Variants in PNPLA5 observed in about 807,000 individuals in gnomAD.
PNPLA5 encodes patatin like domain 5, triacylglycerol lipase, also known as patatin-like phospholipase domain-containing protein 5.
PNPLA5 carries 44 observed loss-of-function variants against 49.1 expected under a neutral mutation model. The observed-to-expected ratio is 0.90, with a 90% confidence interval of 0.70 to 1.15. PNPLA5 has a LOEUF of 1.15. Ranked by LOEUF, PNPLA5 falls within the 50% of genes most tolerant of loss-of-function variation. The pLI is 0.00. For synonymous variants in PNPLA5, 243 were observed against 244.4 expected (o/e 0.99, Z 0.06); for missense variants, 603 against 564.0 (o/e 1.07, Z -0.70).
At position 43,880,543 on chromosome 22, in the gene PNPLA5, G is replaced by A. The variant is rs550730317; in HGVS notation, c.*252C>T. ...CCCCCCGTGGAAATTCTGAAAGTAA[G>A]ACATGTGTCTCTGTGGCTGTCCTCC... On this transcript the variant is annotated 3_prime_UTR_variant, in exon 9 of 9. Coordinates refer to ENST00000216177, the MANE Select transcript of PNPLA5 (RefSeq NM_138814.4). 2.5e-6 allele frequency: 1 copy of A among 396,790 alleles called. No individual in the cohort carries two copies. The highest frequency in any genetic ancestry group is 1.3e-4 in the South Asian group (1 of 7,684). 24.6% of individuals were successfully genotyped at this position (396,790 alleles called of 1,614,324 possible). A position where few individuals can be genotyped will look rare whatever the true frequency, so the allele number is the denominator to read the frequency against.
Position 43,880,182 on chromosome 22 carries a change from TG to T in PNPLA5, c.*612del. On this transcript the variant is annotated 3_prime_UTR_variant, in exon 9 of 9. Transcript: ENST00000216177. ...AGGCTGTGGGGATAGCAGGGGCCAC[TG>T]GGCCCAACAGAAGCACCCACAGCTG... 2.6e-6 allele frequency: 1 copy of T among 380,918 alleles called. No individual in the cohort carries two copies. The highest frequency in any genetic ancestry group is 4.6e-6 in the Non-Finnish European group (1 of 215,236). 23.6% of individuals were successfully genotyped at this position (380,918 alleles called of 1,614,324 possible).
intron 2 of PNPLA5, among the ~76,000 whole-genome samples, chr22:43,890,707 T>C (rs1045546746): frequency 6.6e-6 from 1 of 152,126 alleles, no homozygotes; most frequent in Non-Finnish European, 1.5e-5. Context: ...TGGCACATAA[T>C]AGGTGTTCAA....
chr22:43,890,216 C>T (rs759439714), intron 2 of PNPLA5, among the ~76,000 whole-genome samples: 5 of 152,198 alleles, frequency 3.3e-5, no homozygotes, highest in African/African-American at 4.8e-5. Flanking sequence ...ACATTAGCTG[C>T]CGTGACTGTT....
intron 1 of PNPLA5, 42 bp from the exon 2 acceptor site, chr22:43,891,336 A>T (rs2049721588): frequency 1.1e-5 from 16 of 1,520,410 alleles, no homozygotes; most frequent in Non-Finnish European, 1.4e-5. Flanking sequence ...GCGCCCAGGG[A>T]TCCTGCCAGT....
At chr22:43,887,507 C>A in intron 5 of PNPLA5, 84 bp downstream of exon 5, 2 of 1,496,712 alleles carry the variant, frequency 1.3e-6, no homozygotes, top group East Asian at 2.4e-5. Flanking sequence ...GCCCATGTCC[C>A]TAGCAGCTCA....
chr22:43,888,371 AGTGTGTGTGTGTGTGTGTGT>A (rs35343347), intron 4 of PNPLA5, among the ~76,000 whole-genome samples: 3 of 112,968 alleles, frequency 2.7e-5, no homozygotes, highest in Admixed American at 1.9e-4. Context: ...GGGGCAGAGG[AGTGTGTGTGTGTGTGTGTGT>A]GTGTGTGTGT....
chr22:43,883,820 AAG>A (rs748856468), intron 7 of PNPLA5, among the ~76,000 whole-genome samples: 101 of 85,900 alleles, frequency 1.2e-3, no homozygotes, highest in Non-Finnish European at 1.6e-3. Context: ...GAAAAAAAAA[AAG>A]AAAAGAAAAG....
Position 43,884,332 on chromosome 22 carries a change from T to C in PNPLA5, c.963A>G (p.Ala321=), listed in dbSNP as rs1247410247. ...CCCACCGGCTGGGATCCCTCGTACA[T>C]GCTTTCTTCAGTGCTGCAAGAGAAG... ...SPELEAALKK[A]CTRDPSRWAR... Residue 321 remains alanine, a synonymous_variant, in exon 7 of 9, where the codon GCA becomes GCG. Coordinates refer to ENST00000216177, the MANE Select transcript of PNPLA5 (RefSeq NM_138814.4). The C allele has an allele frequency of 1.3e-6, 2 of 1,583,488 alleles. No individual in the cohort carries two copies. Among genetic ancestry groups the C allele is most frequent in the Admixed American group, 3.6e-5 (2 of 56,106 alleles).
In PNPLA5 at chr22:43,891,267, A is replaced by G; in HGVS notation, c.221T>C (p.Met74Thr). ...VDFCCSHLLG[M>T]VGQLERLSLS... ...GCTCAGCCGCTCCAACTGCCCAACC[A>G]TGCCCAGGAGGTGGGAGCAGCAGAA... The change falls in exon 2 of 9, where the codon ATG (methionine) becomes ACG (threonine). Residue 74 changes from methionine to threonine, a missense_variant. Met to Thr is a moderately conservative substitution (Grantham distance 81, BLOSUM62 -1). Transcript: ENST00000216177. 1.3e-6 allele frequency: 2 copies of G among 1,558,698 alleles called. No homozygotes were observed. The highest frequency in any genetic ancestry group is 1.7e-6 in the Non-Finnish European group (2 of 1,151,984).
rs1439051298 is a variant in PNPLA5, at chr22:43,886,335, T to G, written c.917A>C (p.Asn306Thr). Residue 306 changes from asparagine to threonine, a missense_variant, in exon 6 of 9, where the codon AAC (asparagine) becomes ACC (threonine). Asn to Thr is a moderately conservative substitution (Grantham distance 65). Coordinates refer to ENST00000216177, the MANE Select transcript of PNPLA5 (RefSeq NM_138814.4). ...VPHVQVKDVP[N>T]FEQLSPELEA... ...CAGCTCTGGTGAGAGCTGCTCAAAG[T>G]TGGGTACATCCTTGACTTGCACATG... 6 of 1,613,988 alleles carry G rather than the reference T, an allele frequency of 3.7e-6. No individual in the cohort carries two copies. The highest frequency in any genetic ancestry group is 5.1e-6 in the Non-Finnish European group (6 of 1,179,940).
intron 7 of PNPLA5, 178 bp from the exon 8 acceptor site, chr22:43,881,852 A>T (rs1163743526): frequency 5.2e-6 from 4 of 773,212 alleles, no homozygotes; most frequent in Non-Finnish European, 6.3e-6. Flanking sequence ...AGCCACAGGG[A>T]CACCTGCAGG....
In PNPLA5 at chr22:43,886,473, G is replaced by C. The variant is rs2049666426; in HGVS notation, c.779C>G (p.Pro260Arg). Reference protein sequence around the residue: ...FLERRGLTKEPVLWTLVSKEP... With the variant: ...FLERRGLTKERVLWTLVSKEP... Reference sequence around the variant, plus strand: ...CTTAGACACCAGCGTCCATAGCACTGGTTCCTTGGTGAGTCCTGGGTCAGG... The same window carrying C: ...CTTAGACACCAGCGTCCATAGCACTCGTTCCTTGGTGAGTCCTGGGTCAGG... Residue 260 changes from proline to arginine, a missense_variant, in exon 6 of 9, where the codon CCA (proline) becomes CGA (arginine). Physicochemically the swap from Pro to Arg is moderately radical, Grantham distance 103. Coordinates refer to ENST00000216177, the MANE Select transcript of PNPLA5 (RefSeq NM_138814.4). The C allele has an allele frequency of 6.2e-7, 1 of 1,613,146 alleles. No individual in the cohort carries two copies. Among genetic ancestry groups the C allele is most frequent in the Non-Finnish European group, 8.5e-7 (1 of 1,179,650 alleles).
At chr22:43,891,459 T>G (rs1241722960) in intron 1 of PNPLA5, 165 bp from the exon 2 acceptor site, 2 of 961,966 alleles carry the variant, frequency 2.1e-6, no homozygotes, top group Non-Finnish European at 2.5e-6. Context: ...ACCTTTTCAC[T>G]TTTTGCCCCG....
At chr22:43,883,439 G>A (rs2049630355) in intron 7 of PNPLA5, among the ~76,000 whole-genome samples, 2 of 152,246 alleles carry the variant, frequency 1.3e-5, no homozygotes, top group Admixed American at 6.5e-5. Context: ...AACTGATGCA[G>A]ACGGGCACAT....
intron 1 of PNPLA5, 178 bp downstream of exon 1, chr22:43,891,510 C>T (rs930746123): frequency 8.1e-6 from 7 of 867,230 alleles, no homozygotes; most frequent in Non-Finnish European, 8.3e-6. Flanking sequence ...AGCCACGATC[C>T]CTCCTCTGCA....
At chr22:43,886,682 G>T (rs1256261333) in intron 5 of PNPLA5, 194 bp from the exon 6 acceptor site, 2 of 883,832 alleles carry the variant, frequency 2.3e-6, no homozygotes, top group Non-Finnish European at 2.7e-6. Context: ...GCCCACTTTC[G>T]AGTGGCTCAT....
Position 43,891,050 on chromosome 22 carries a change from C to A in PNPLA5, c.426+12G>T, listed in dbSNP as rs188519559. 1.2e-3 allele frequency: 1,870 copies of A among 1,600,582 alleles called. 7 individuals carry two copies. In the Middle Eastern group the frequency reaches 0.031, roughly 26 times the overall value. On this transcript the variant is annotated intron_variant, in intron 2 of 8. Transcript: ENST00000216177. Reference sequence around the variant, plus strand: ...CCCACCAGCCAAGCCCTGGGCACCCCCCGCCCCACACCTGGATGAGCTCAT... The same window carrying A: ...CCCACCAGCCAAGCCCTGGGCACCCACCGCCCCACACCTGGATGAGCTCAT...
chr22:43,880,980 T>C, intron 8 of PNPLA5, 95 bp from the exon 9 acceptor site: 1 of 1,252,320 alleles, frequency 8.0e-7, no homozygotes, highest in Non-Finnish European at 1.0e-6. Context: ...TGAACCCAGG[T>C]CACTCTTCCC....
chr22:43,886,655 G>A (rs1569507251), intron 5 of PNPLA5, 167 bp from the exon 6 acceptor site: 6 of 960,868 alleles, frequency 6.2e-6, no homozygotes, highest in Non-Finnish European at 7.4e-6. Context: ...CCCTGGCCCT[G>A]CTCTGCCCTG....
Sources: gnomAD v4.1 joint callset for allele counts (sites outside exome capture counted in the v4.1 genomes callset) on GRCh38, gnomAD v4.1.1 for gene constraint, MANE v1.5 for transcripts, NCBI Gene and HGNC (gene_info 2026-07-23, HGNC 2026-07-21) for gene names.